Variants in EPHB2 observed in about 807,000 individuals in gnomAD.
EPHB2 encodes EPH receptor B2, also known as ephrin type-B receptor 2.
EPHB2 carries 18 observed loss-of-function variants against 96.4 expected under a neutral mutation model. The ratio of observed to expected loss-of-function variants is 0.19; its 90% CI spans 0.13 to 0.28. EPHB2 has a LOEUF of 0.28. Among genes scored for constraint, EPHB2 ranks in the 10% least tolerant of loss-of-function variants. The probability of loss-of-function intolerance (pLI) is 1.00; values close to 1 mark genes in which losing one functional copy is unlikely to be tolerated. For synonymous variants in EPHB2, 506 were observed against 534.1 expected, an observed-to-expected ratio of 0.95 and a Z score of 0.72; for missense variants, 989 against 1,355.4, an observed-to-expected ratio of 0.73 and a Z score of 4.25.
intron 1 of EPHB2, among the ~76,000 whole-genome samples, chr1:22,750,839 C>A (rs1169291033): frequency 6.6e-6 from 1 of 152,210 alleles, no homozygotes; most frequent in African/African-American, 2.4e-5. Flanking sequence ...GATGAGTAAG[C>A]TGATACACAG....
Position 22,711,726 on chromosome 1 carries a change from G to T in EPHB2, c.61+683G>T, listed in dbSNP as rs1225473065. Among the ~76,000 whole-genome samples the T allele has an allele frequency of 3.3e-5, 5 of 152,094 alleles. No individual in the cohort carries two copies. The East Asian group carries it at 9.7e-4, about 30-fold the overall frequency. On this transcript the variant is annotated intron_variant, in intron 1 of 15. Coordinates refer to ENST00000374630, the MANE Select transcript of EPHB2 (RefSeq NM_017449.5). Reference sequence around the variant, plus strand: ...GGGCACCCCCGCCGGCCACCGCCCCGCGGCCGCGGCGCTCAGCGTGGCGGC... The same window carrying T: ...GGGCACCCCCGCCGGCCACCGCCCCTCGGCCGCGGCGCTCAGCGTGGCGGC...
intron 3 of EPHB2, among the ~76,000 whole-genome samples, chr1:22,838,515 A>T (rs1389982236): frequency 6.6e-6 from 1 of 152,212 alleles, no homozygotes; most frequent in East Asian, 1.9e-4. Flanking sequence ...ACAGAGTCTT[A>T]TGGTGACCAA....
intron 3 of EPHB2, among the ~76,000 whole-genome samples, chr1:22,803,918 G>A (rs1351878828): frequency 6.7e-6 from 1 of 148,860 alleles, no homozygotes; most frequent in African/African-American, 2.5e-5. Context: ...TGTCTCAAGA[G>A]AAAAAAAAAA....
chr1:22,912,252 G>A (rs930946140), intron 14 of EPHB2, among the ~76,000 whole-genome samples, 192 bp from the exon 15 acceptor site: 5 of 152,136 alleles, frequency 3.3e-5, no homozygotes, highest in Admixed American at 6.5e-5. Flanking sequence ...ATATATATGC[G>A]TGCATGTTTC....
Position 22,912,760 on chromosome 1 carries a change from A to G in EPHB2, c.2852+161A>G, listed in dbSNP as rs1475078471. 3.0e-6 allele frequency: 3 copies of G among 1,011,712 alleles called. No homozygotes were observed. In the East Asian group the frequency reaches 7.9e-5, roughly 27 times the overall value. 62.7% of individuals were successfully genotyped at this position (1,011,712 alleles called of 1,614,324 possible). On this transcript the variant is annotated intron_variant, in intron 15 of 15. Coordinates refer to ENST00000374630, the MANE Select transcript of EPHB2 (RefSeq NM_017449.5). ...CAACTTTGGAGTCACCTGTGGACTG[A>G]TACCCAGGTCTGCCTGCCACCTACA...
chr1:22,901,029 C>T lies in EPHB2; in HGVS notation c.1765+4551C>T, dbSNP rs566081617. On this transcript the variant is annotated intron_variant, in intron 9 of 15. Coordinates refer to ENST00000374630, the MANE Select transcript of EPHB2 (RefSeq NM_017449.5). ...ATTCTGCCACTGGCCAGCTGGGTGA[C>T]CTCGGGGAAGCCATCAAACCTCTCT... 2.6e-5 allele frequency among the ~76,000 whole-genome samples: 4 copies of T among 152,262 alleles called. No individual in the cohort carries two copies. The South Asian group carries it at 6.2e-4, about 24-fold the overall frequency.
intron 1 of EPHB2, among the ~76,000 whole-genome samples, chr1:22,755,974 A>G (rs1280215886): frequency 6.6e-6 from 1 of 152,192 alleles, no homozygotes; most frequent in Non-Finnish European, 1.5e-5. Context: ...GTCATTGACG[A>G]ACCCAGGGTC....
At chr1:22,837,259 C>A (rs1645399422) in intron 3 of EPHB2, among the ~76,000 whole-genome samples, 1 of 152,188 alleles carries the variant, frequency 6.6e-6, no homozygotes. Flanking sequence ...GTCACAGGGG[C>A]CCCTGGGACC....
In EPHB2 at chr1:22,906,663, TC is replaced by T; in HGVS notation, c.1889-45del. The T allele has an allele frequency of 6.2e-7, 1 of 1,613,150 alleles. No individual in the cohort carries two copies. The highest frequency in any genetic ancestry group is 8.5e-7 in the Non-Finnish European group (1 of 1,179,810). On this transcript the variant is annotated intron_variant, in intron 10 of 15. Coordinates refer to ENST00000374630, the MANE Select transcript of EPHB2 (RefSeq NM_017449.5). The surrounding 1 kb of genome is among the most constrained non-coding windows in gnomAD (Gnocchi z 4.8). ...TGACAGGGAACAGGAAGGTGGCCCT[TC>T]CACCTGGCAAGTGACATCCTGTCTG...
In EPHB2 at chr1:22,858,103, AG is replaced by A. The variant is rs1012609826; in HGVS notation, c.812-4932del. Among the ~76,000 whole-genome samples the A allele has an allele frequency of 3.3e-5, 5 of 152,098 alleles. No homozygotes were observed. The highest frequency in any genetic ancestry group is 1.2e-4 in the African/African-American group (5 of 41,436). On this transcript the variant is annotated intron_variant, in intron 3 of 15. Transcript: ENST00000374630. This position sits in a 1 kb window ranked among gnomAD's most constrained non-coding sequence, Gnocchi z 7.7. ...AGGTGGCATTTAAGCTGGGGTCTGA[AG>A]GAGGAAAAGGAGCCAGCGACGGGAA...
At chr1:22,764,706 A>T (rs1401088617) in intron 1 of EPHB2, among the ~76,000 whole-genome samples, 1 of 150,510 alleles carries the variant, frequency 6.6e-6, no homozygotes, top group Admixed American at 6.7e-5. Context: ...AGATTGCACC[A>T]CCGCACTCCA....
intron 3 of EPHB2, among the ~76,000 whole-genome samples, chr1:22,850,368 C>T (rs564774267): frequency 3.3e-5 from 5 of 152,324 alleles, no homozygotes; most frequent in South Asian, 2.1e-4. Context: ...GGGACCCGCA[C>T]GTGGGGCGGT....
chr1:22,746,879 G>T lies in EPHB2; in HGVS notation c.62-34542G>T, dbSNP rs562253061. Among the ~76,000 whole-genome samples the T allele has an allele frequency of 2.6e-5, 4 of 152,234 alleles. No homozygotes were observed. The South Asian group carries it at 8.3e-4, about 32-fold the overall frequency. On this transcript the variant is annotated intron_variant, in intron 1 of 15. Transcript: ENST00000374630. Reference sequence around the variant, plus strand: ...CCCTCCTGACCTGTGACCCCCCGGGGGTGCAAATCTCTTAGGTTAGCCTTG... The same window carrying T: ...CCCTCCTGACCTGTGACCCCCCGGGTGTGCAAATCTCTTAGGTTAGCCTTG...
intron 7 of EPHB2, 139 bp from the exon 8 acceptor site, chr1:22,895,333 A>C: frequency 2.6e-6 from 2 of 759,112 alleles, no homozygotes; most frequent in Non-Finnish European, 2.3e-6. Context: ...CTGCATGGGC[A>C]TGTAACAGGT....
intron 3 of EPHB2, among the ~76,000 whole-genome samples, chr1:22,849,948 G>C (rs949952168): frequency 6.6e-6 from 1 of 152,212 alleles, no homozygotes; most frequent in South Asian, 2.1e-4. Flanking sequence ...TCCCCGGGGG[G>C]TCCGGGGGTT....
In EPHB2 at chr1:22,913,685, G is replaced by T; in HGVS notation, c.*115G>T. 6.2e-7 allele frequency: 1 copy of T among 1,603,584 alleles called. No homozygotes were observed. Among genetic ancestry groups the T allele is most frequent in the Non-Finnish European group, 8.5e-7 (1 of 1,175,204 alleles). ...CCAGCCACTCGCCAGGAGGCCACGG[G>T]CCACGGGAAGAACCAAGCGGTGCCA... On this transcript the variant is annotated 3_prime_UTR_variant, in exon 16 of 16. Coordinates refer to ENST00000374630, the MANE Select transcript of EPHB2 (RefSeq NM_017449.5). This position sits in a 1 kb window ranked among gnomAD's most constrained non-coding sequence, Gnocchi z 4.1.
At chr1:22,892,730 G>A (rs1428743229) in intron 6 of EPHB2, 154 bp from the exon 7 acceptor site, 13 of 963,188 alleles carry the variant, frequency 1.3e-5, no homozygotes, top group Non-Finnish European at 2.0e-5. Flanking sequence ...ATGGCAAAAG[G>A]CATAATTCTA....
chr1:22,794,198 A>C (rs567508536), intron 3 of EPHB2, among the ~76,000 whole-genome samples: 2 of 152,278 alleles, frequency 1.3e-5, no homozygotes, highest in East Asian at 3.9e-4. Context: ...GCTCATGTTT[A>C]GGACTGTGGG....
At chr1:22,900,730 C>A (rs1360771596) in intron 9 of EPHB2, among the ~76,000 whole-genome samples, 1 of 152,170 alleles carries the variant, frequency 6.6e-6, no homozygotes, top group Non-Finnish European at 1.5e-5. Flanking sequence ...ATTTTAAGGC[C>A]TAAGATCCCC....
Sources: gnomAD v4.1 joint callset for allele counts (sites outside exome capture counted in the v4.1 genomes callset) on GRCh38, gnomAD v4.1.1 for gene constraint, Gnocchi (gnomAD v3.1) non-coding constraint, MANE v1.5 for transcripts, NCBI Gene and HGNC (gene_info 2026-07-23, HGNC 2026-07-21) for gene names.